Variants in CADM2 observed in about 807,000 individuals in gnomAD.
The protein encoded by CADM2 is immunoglobulin superfamily member 4D.
Under a neutral mutation model 49.8 loss-of-function variants are expected in CADM2, and 12 were observed. The ratio of observed to expected loss-of-function variants is 0.24; its 90% CI spans 0.15 to 0.39. The LOEUF (loss-of-function observed/expected upper bound fraction) is 0.39, where lower values mean the gene tolerates loss of function less well. Ranked by LOEUF, CADM2 falls within the 10% of genes least tolerant of loss-of-function variation. The pLI is 1.00. For missense variants in CADM2, 378 were observed against 492.3 expected, an observed-to-expected ratio of 0.77 and a Z score of 2.20; for synonymous variants, 214 against 175.4, an observed-to-expected ratio of 1.22 and a Z score of -1.74.
intron 1 of CADM2, among the ~76,000 whole-genome samples, chr3:85,486,676 G>T (rs1163110488): frequency 2.0e-5 from 3 of 150,508 alleles, no homozygotes; most frequent in Non-Finnish European, 4.4e-5. Flanking sequence ...TTATCCTGTA[G>T]ATATAGATGT....
intron 8 of CADM2, among the ~76,000 whole-genome samples, chr3:85,969,846 C>G (rs903060714): frequency 6.6e-6 from 1 of 150,762 alleles, no homozygotes; most frequent in Non-Finnish European, 1.5e-5. Context: ...CCGCTGTTTT[C>G]AAGAGAAGAA....
rs573355831 is a variant in CADM2 at position 85,452,418 on chromosome 3, A to T, written c.62-274104A>T. ...AGAGAAGGAATAGTCTGCCTTGAAG[A>T]AACACTTTATAATATCCTCAAAAGC... On this transcript the variant is annotated intron_variant, in intron 1 of 9. Transcript: ENST00000383699. 8.5e-5 allele frequency among the ~76,000 whole-genome samples: 13 copies of T among 152,230 alleles called. No homozygotes were observed. The East Asian group carries it at 2.1e-3, about 25-fold the overall frequency.
chr3:85,734,999 T>TGTGTGC (rs56658399), intron 2 of CADM2, among the ~76,000 whole-genome samples: 1 of 151,176 alleles, frequency 6.6e-6, no homozygotes, highest in Non-Finnish European at 1.5e-5. Context: ...TGTGTGTGTG[T>TGTGTGC]ATGTGTGTGT....
intron 1 of CADM2, among the ~76,000 whole-genome samples, chr3:85,036,078 T>C (rs2107345275): frequency 6.6e-6 from 1 of 152,278 alleles, no homozygotes; most frequent in Non-Finnish European, 1.5e-5. Context: ...AAATACACCT[T>C]TAAGTAAAGG....
intron 1 of CADM2, among the ~76,000 whole-genome samples, chr3:85,473,842 C>T (rs909945079): frequency 3.9e-5 from 6 of 151,990 alleles, no homozygotes; most frequent in East Asian, 1.9e-4. Context: ...CATGCCTGTA[C>T]AACTTTTTTG....
At chr3:85,528,298 A>G (rs2061216575) in intron 1 of CADM2, among the ~76,000 whole-genome samples, 1 of 149,360 alleles carries the variant, frequency 6.7e-6, no homozygotes, top group South Asian at 2.1e-4. Context: ...TTCAAGAGTA[A>G]CAATGGGAGA....
intron 1 of CADM2, among the ~76,000 whole-genome samples, chr3:85,678,866 C>T (rs1011436213): frequency 6.6e-6 from 1 of 152,100 alleles, no homozygotes; most frequent in South Asian, 2.1e-4. Context: ...TGTCTGGAGA[C>T]ATCTGAGGTG....
chr3:85,726,561 T>G lies in CADM2; in HGVS notation c.88+13T>G, dbSNP rs1372250134. On this transcript the variant is annotated intron_variant, in intron 2 of 9. Coordinates refer to ENST00000383699, the MANE Select transcript of CADM2 (RefSeq NM_001167675.2). Reference sequence around the variant, plus strand: ...AATAAAGTTAAAGGTGAGCTCCTGTTTATTCTGCATGAGTCATCATCATTC... The same window carrying G: ...AATAAAGTTAAAGGTGAGCTCCTGTGTATTCTGCATGAGTCATCATCATTC... The G allele has an allele frequency of 6.2e-7, 1 of 1,604,012 alleles. No homozygotes were observed. The highest frequency in any genetic ancestry group is 8.5e-7 in the Non-Finnish European group (1 of 1,171,590).
At chr3:85,206,701 G>T (rs1294862015) in intron 1 of CADM2, among the ~76,000 whole-genome samples, 1 of 151,924 alleles carries the variant, frequency 6.6e-6, no homozygotes, top group African/African-American at 2.4e-5. Context: ...GCTTTTCATT[G>T]TCTTTTTTTC....
rs146878206 is a variant in CADM2 at position 85,806,973 on chromosome 3, C to T, written c.238+4777C>T. Among the ~76,000 whole-genome samples the T allele has an allele frequency of 3.1e-3, 479 of 152,166 alleles. 1 individual carries two copies. Among genetic ancestry groups the T allele is most frequent in the African/African-American group, 0.011 (461 of 41,532 alleles). ...CATTGATAAATGGAAAAAATAAGAC[C>T]TAACAATCAAGGATATTTCTTCACA... On this transcript the variant is annotated intron_variant, in intron 3 of 9. Coordinates refer to ENST00000383699, the MANE Select transcript of CADM2 (RefSeq NM_001167675.2).
intron 1 of CADM2, among the ~76,000 whole-genome samples, chr3:85,107,152 C>T (rs1370270138): frequency 2.0e-5 from 3 of 151,916 alleles, no homozygotes; most frequent in Non-Finnish European, 4.4e-5. Context: ...GGCATTGGCA[C>T]AAAGGATAAT....
intron 1 of CADM2, among the ~76,000 whole-genome samples, chr3:85,371,110 G>A (rs909028137): frequency 6.6e-6 from 1 of 151,974 alleles, no homozygotes; most frequent in Non-Finnish European, 1.5e-5. Context: ...AAGTAAAAAC[G>A]TTACAATCAG....
At chr3:85,221,714 G>C (rs2042048098) in intron 1 of CADM2, among the ~76,000 whole-genome samples, 1 of 152,148 alleles carries the variant, frequency 6.6e-6, no homozygotes, top group South Asian at 2.1e-4. Flanking sequence ...CAAGCTAACG[G>C]TAAGTGGTGA....
intron 1 of CADM2, among the ~76,000 whole-genome samples, chr3:85,661,003 G>T (rs981833287): frequency 6.6e-6 from 1 of 151,934 alleles, no homozygotes; most frequent in Non-Finnish European, 1.5e-5. Context: ...GAAAGTTAAG[G>T]TGGTTAAATG....
chr3:85,501,064 C>G (rs963334135), intron 1 of CADM2, among the ~76,000 whole-genome samples: 1 of 152,006 alleles, frequency 6.6e-6, no homozygotes, highest in Admixed American at 6.6e-5. Flanking sequence ...AAAATATAAA[C>G]GAATGTCACC....
At chr3:85,999,555 A>C (rs972383348) in intron 8 of CADM2, among the ~76,000 whole-genome samples, 7 of 141,746 alleles carry the variant, frequency 4.9e-5, no homozygotes, top group Admixed American at 2.2e-4. Flanking sequence ...AGAAAGAAGG[A>C]AGGCAGGAAG....
intron 1 of CADM2, among the ~76,000 whole-genome samples, chr3:85,690,342 G>C (rs1353392016): frequency 2.6e-5 from 4 of 152,156 alleles, no homozygotes; most frequent in African/African-American, 4.8e-5. Context: ...AGACTTTACT[G>C]TTTTGGAGAC....
At chr3:85,561,501 C>CT (rs2062093994) in intron 1 of CADM2, among the ~76,000 whole-genome samples, 1 of 152,100 alleles carries the variant, frequency 6.6e-6, no homozygotes, top group Non-Finnish European at 1.5e-5. Flanking sequence ...AGACTCCCCG[C>CT]TTTTTAACAA....
intron 1 of CADM2, among the ~76,000 whole-genome samples, chr3:85,432,407 G>A (rs62250691): frequency 0.063 from 9,657 of 152,092 alleles, 437 homozygotes; most frequent in Non-Finnish European, 0.1. Context: ...AAGAATTTCT[G>A]CAAAAATTAC....
Sources: allele counts gnomAD v4.1 joint callset (sites outside exome capture counted in the v4.1 genomes callset), GRCh38; gene constraint gnomAD v4.1.1; transcripts MANE v1.5; gene names NCBI Gene and HGNC (gene_info 2026-07-23, HGNC 2026-07-21).